CTNNA3: variants seen among roughly 807,000 people sequenced by gnomAD.
The protein encoded by CTNNA3 is catenin alpha-3.
A neutral mutation model predicts 95.7 loss-of-function variants in CTNNA3; 76 were observed. That is an observed-to-expected ratio of 0.79 (90% CI 0.66 to 0.96). The LOEUF (loss-of-function observed/expected upper bound fraction) is 0.96. Ranked by LOEUF, CTNNA3 falls within the 40% of genes least tolerant of loss-of-function variation. CTNNA3 has a pLI of 0.00. For synonymous variants in CTNNA3, 431 were observed against 374.4 expected, an observed-to-expected ratio of 1.15 and a Z score of -1.74; for missense variants, 1,191 against 1,089.8, an observed-to-expected ratio of 1.09 and a Z score of -1.31.
intron 5 of CTNNA3, among the ~76,000 whole-genome samples, chr10:67,293,669 C>T (rs1839922356): frequency 8.3e-6 from 1 of 120,312 alleles, no homozygotes; most frequent in African/African-American, 3.2e-5. Context: ...CCTCCCCCTC[C>T]CCCCACCCCA....
intron 4 of CTNNA3, among the ~76,000 whole-genome samples, chr10:67,533,067 T>A (rs1252147740): frequency 6.6e-6 from 1 of 152,198 alleles, no homozygotes; most frequent in Non-Finnish European, 1.5e-5. Context: ...CGGACGCCTG[T>A]AATCCCAGCA....
At chr10:66,391,790 T>C (rs1046168709) in intron 11 of CTNNA3, among the ~76,000 whole-genome samples, 4 of 152,102 alleles carry the variant, frequency 2.6e-5, no homozygotes, top group African/African-American at 9.7e-5. Context: ...AAAATAAATT[T>C]TTGACACATG....
At chr10:66,578,811 G>C (rs1172143163) in intron 10 of CTNNA3, among the ~76,000 whole-genome samples, 1 of 138,454 alleles carries the variant, frequency 7.2e-6, no homozygotes, top group Non-Finnish European at 1.6e-5. Context: ...TGTTGTTGTT[G>C]TTGTGTCTCT....
chr10:67,176,393 T>C (rs984366552), intron 7 of CTNNA3, among the ~76,000 whole-genome samples: 2 of 152,218 alleles, frequency 1.3e-5, no homozygotes, highest in African/African-American at 4.8e-5. Flanking sequence ...TTCAGCTTTT[T>C]CTAAATTCTA....
chr10:66,792,770 T>C (rs1475124829), intron 7 of CTNNA3, among the ~76,000 whole-genome samples: 2 of 152,164 alleles, frequency 1.3e-5, no homozygotes, highest in Admixed American at 6.5e-5. Context: ...AGAGATGATA[T>C]TATCAGGAGT....
intron 3 of CTNNA3, among the ~76,000 whole-genome samples, chr10:67,571,676 G>A (rs948429546): frequency 4.6e-5 from 7 of 152,150 alleles, no homozygotes; most frequent in Non-Finnish European, 8.8e-5. Flanking sequence ...CTGATTTACT[G>A]GAGTCCCGTC....
chr10:66,938,340 T>C (rs573378958), intron 7 of CTNNA3, among the ~76,000 whole-genome samples: 1 of 152,226 alleles, frequency 6.6e-6, no homozygotes, highest in African/African-American at 2.4e-5. Context: ...GAACTACTAA[T>C]AGCATATTGT....
chr10:66,243,629 G>A (rs1266397651), intron 13 of CTNNA3, among the ~76,000 whole-genome samples: 1 of 152,114 alleles, frequency 6.6e-6, no homozygotes, highest in African/African-American at 2.4e-5. Context: ...TACATGTATT[G>A]ATTGATGTTT....
chr10:66,186,746 C>A (rs1305707586), intron 13 of CTNNA3, among the ~76,000 whole-genome samples: 2 of 151,990 alleles, frequency 1.3e-5, no homozygotes, highest in African/African-American at 4.8e-5. Context: ...TGAAGACTAT[C>A]AAGAATTTGG....
chr10:66,258,594 T>G (rs1267318554), intron 13 of CTNNA3, among the ~76,000 whole-genome samples: 1 of 152,082 alleles, frequency 6.6e-6, no homozygotes, highest in Non-Finnish European at 1.5e-5. Context: ...TAAGCCTTTC[T>G]TTTTTTACGT....
chr10:65,962,213 A>G (rs1457450486), intron 17 of CTNNA3, among the ~76,000 whole-genome samples: 1 of 152,058 alleles, frequency 6.6e-6, no homozygotes, highest in East Asian at 1.9e-4. Context: ...CTCTTTCCTA[A>G]GTTCCAGAAC....
At chr10:67,705,176 G>A (rs796661472) in intron 1 of CTNNA3, among the ~76,000 whole-genome samples, 28 of 149,658 alleles carry the variant, frequency 1.9e-4, no homozygotes, top group South Asian at 1.1e-3. Flanking sequence ...TTACACTGTT[G>A]GTGGGACTGT....
At chr10:66,322,509 A>G (rs879321202) in intron 12 of CTNNA3, among the ~76,000 whole-genome samples, 3 of 152,098 alleles carry the variant, frequency 2.0e-5, no homozygotes, top group Non-Finnish European at 4.4e-5. Context: ...AGGGCATTGT[A>G]CCAGAGAGGA....
In CTNNA3 at chr10:67,607,102, A is replaced by G. The variant is rs576185537; in HGVS notation, c.100-53T>C. 2.0e-5 allele frequency: 28 copies of G among 1,389,704 alleles called. No individual in the cohort carries two copies. In the Admixed American group the frequency reaches 4.4e-4, roughly 22 times the overall value. 86.1% of individuals were successfully genotyped at this position (1,389,704 alleles called of 1,614,324 possible). On this transcript the variant is annotated intron_variant, in intron 2 of 17. Coordinates refer to ENST00000433211, the MANE Select transcript of CTNNA3 (RefSeq NM_013266.4). ...AATTGACAAATTGTAAGGAGAACAC[A>G]GTCCTGGGATATTACAGACCAGAAC...
intron 10 of CTNNA3, among the ~76,000 whole-genome samples, chr10:66,563,233 A>C (rs540898753): frequency 6.6e-6 from 1 of 152,264 alleles, no homozygotes; most frequent in East Asian, 1.9e-4. Flanking sequence ...TACATACATT[A>C]GTCACCACAG....
intron 9 of CTNNA3, among the ~76,000 whole-genome samples, chr10:66,748,146 G>A (rs1313458373): frequency 6.6e-6 from 1 of 151,928 alleles, no homozygotes; most frequent in Non-Finnish European, 1.5e-5. Flanking sequence ...AACTGCAAAG[G>A]GGCTTTGGAA....
intron 13 of CTNNA3, among the ~76,000 whole-genome samples, chr10:66,254,128 A>G (rs1393573507): frequency 1.3e-5 from 2 of 152,152 alleles, no homozygotes; most frequent in East Asian, 3.9e-4. Flanking sequence ...CCCAAGACAG[A>G]CAACACTACT....
At chr10:66,925,456 A>C (rs1055304365) in intron 7 of CTNNA3, among the ~76,000 whole-genome samples, 1 of 152,210 alleles carries the variant, frequency 6.6e-6, no homozygotes, top group African/African-American at 2.4e-5. Flanking sequence ...CAACAACCAA[A>C]ACAACAAACG....
At chr10:67,225,900 CAGGAGGTTAGTTATTA>C (rs1445442561) in intron 5 of CTNNA3, among the ~76,000 whole-genome samples, 2 of 152,098 alleles carry the variant, frequency 1.3e-5, no homozygotes, top group African/African-American at 4.8e-5. Flanking sequence ...AAAAAGAATT[CAGGAGGTTAGTTATTA>C]AGCTAATCAG....
Sources: gnomAD v4.1 joint callset for allele counts (sites outside exome capture counted in the v4.1 genomes callset) on GRCh38, gnomAD v4.1.1 for gene constraint, MANE v1.5 for transcripts, NCBI Gene and HGNC (gene_info 2026-07-23, HGNC 2026-07-21) for gene names.